The following AFF1 variants were observed in gnomAD, a reference collection of about 807,000 sequenced individuals.
AFF1 encodes ALF transcription elongation factor 1, also known as AF4/FMR2 family member 1.
In AFF1, 48 loss-of-function variants were observed where a neutral mutation model predicts 121.7. That is an observed-to-expected ratio of 0.39 (90% CI 0.31 to 0.50). The LOEUF (loss-of-function observed/expected upper bound fraction) is 0.50, where lower values mean the gene tolerates loss of function less well. AFF1 is among the 20% of genes least tolerant of loss of function. The probability of loss-of-function intolerance (pLI) is 0.76; values close to 1 mark genes in which losing one functional copy is unlikely to be tolerated. For synonymous variants in AFF1, 613 were observed against 563.0 expected (o/e 1.09, Z -1.26); for missense variants, 1,523 against 1,511.7 (o/e 1.01, Z -0.12).
Position 87,126,275 on chromosome 4 carries a change from C to T in AFF1, c.2750C>T (p.Ser917Phe). Residue 917 changes from serine (S) to phenylalanine (F), a missense_variant, in exon 14 of 21, where the codon TCT (serine) becomes TTT (phenylalanine). This residue lies in a region of AFF1 where 905 missense variants were observed against 842.5 expected (regional missense o/e 1.07). Transcript: ENST00000395146. ...ASSTKSNHKD[S>F]SIPKQRRVEG... ...AGTACCAAGAGCAACCACAAAGACT[C>T]TTCCATTCCCAAGCAGAGAAGAGTA... 2 of 1,614,116 alleles carry T rather than the reference C, an allele frequency of 1.2e-6. No homozygotes were observed. The highest frequency in any genetic ancestry group is 1.7e-6 in the Non-Finnish European group (2 of 1,180,024).
chr4:86,963,601 A>G (rs1299533145), intron 2 of AFF1, among the ~76,000 whole-genome samples: 4 of 152,164 alleles, frequency 2.6e-5, no homozygotes, highest in Non-Finnish European at 5.9e-5. Context: ...CCTTATAAAG[A>G]TCTTATAGGG....
chr4:87,108,144 T>C lies in AFF1; in HGVS notation c.1377-15T>C. The C allele has an allele frequency of 6.2e-7, 1 of 1,610,224 alleles. No individual in the cohort carries two copies. Among genetic ancestry groups the C allele is most frequent in the Non-Finnish European group, 8.5e-7 (1 of 1,178,510 alleles). ...GTATCGTGCCTTCTAATTTTATCTT[T>C]TGGTTGCTTTGCAGTGCTCCACAGT... is the stretch of plus-strand genomic sequence containing the variant. On this transcript the variant is annotated splice_polypyrimidine_tract_variant and intron_variant, in intron 10 of 20. Transcript: ENST00000395146.
intron 11 of AFF1, among the ~76,000 whole-genome samples, 180 bp downstream of exon 11, chr4:87,108,495 A>ATTT (rs1726152968): frequency 6.6e-6 from 1 of 152,082 alleles, no homozygotes; most frequent in African/African-American, 2.4e-5. Flanking sequence ...CTTCTTACCA[A>ATTT]ATATTTAATA....
intron 16 of AFF1, among the ~76,000 whole-genome samples, chr4:87,130,638 A>G (rs576438452): frequency 5.3e-5 from 8 of 152,340 alleles, no homozygotes; most frequent in African/African-American, 1.7e-4. Context: ...ATTGTTGGCT[A>G]TTATGTCTAA....
intron 2 of AFF1, 79 bp from the exon 3 acceptor site, chr4:87,046,087 C>T: frequency 6.4e-7 from 1 of 1,554,978 alleles, no homozygotes; most frequent in Admixed American, 1.8e-5. Flanking sequence ...CACCTCCCTT[C>T]TCACATGTAA....
intron 16 of AFF1, among the ~76,000 whole-genome samples, 159 bp downstream of exon 16, chr4:87,127,862 A>G (rs753678679): frequency 2.6e-5 from 4 of 152,286 alleles, no homozygotes; most frequent in East Asian, 1.9e-4. Context: ...GGGCCCTACC[A>G]TTGGCCACAA....
intron 2 of AFF1, among the ~76,000 whole-genome samples, chr4:87,018,734 T>C (rs932946279): frequency 3.3e-5 from 5 of 152,254 alleles, no homozygotes; most frequent in African/African-American, 1.2e-4. Flanking sequence ...TAATTTATTT[T>C]AATAAAGGCA....
rs1729475577 is a variant in AFF1, at chr4:87,138,503, GT to G, written c.*2803del. 4.8e-6 allele frequency: 1 copy of G among 206,472 alleles called. No homozygotes were observed. Among genetic ancestry groups the G allele is most frequent in the Admixed American group, 7.1e-5 (1 of 14,084 alleles). The allele number at this position is 206,472 out of a possible 1,614,324, so 12.8% of individuals were successfully genotyped here. ...TTGGCACTACAAGGTGTGTGTGTGT[GT>G]GTGTGTGTGTGTGTGTGTCTTTAGT... is the stretch of plus-strand genomic sequence containing the variant. On this transcript the variant is annotated 3_prime_UTR_variant, in exon 21 of 21. Coordinates refer to ENST00000395146, the MANE Select transcript of AFF1 (RefSeq NM_001166693.3).
intron 2 of AFF1, among the ~76,000 whole-genome samples, chr4:86,996,604 C>T (rs1444464679): frequency 6.6e-6 from 1 of 151,400 alleles, no homozygotes; most frequent in Non-Finnish European, 1.5e-5. Context: ...CCGCAGGGTC[C>T]TCTGCCTAGG....
chr4:87,126,390 C>T (rs765242116), intron 14 of AFF1, 54 bp downstream of exon 14: 13 of 1,534,090 alleles, frequency 8.5e-6, no homozygotes, highest in African/African-American at 1.4e-5. Flanking sequence ...TGTACCTTTA[C>T]GTTCCCAAAG....
At chr4:87,027,154 G>A (rs1728604856) in intron 2 of AFF1, among the ~76,000 whole-genome samples, 2 of 152,242 alleles carry the variant, frequency 1.3e-5, no homozygotes, top group South Asian at 4.1e-4. Flanking sequence ...CACAGTGGCT[G>A]CTAAGGAGAT....
intron 5 of AFF1, among the ~76,000 whole-genome samples, chr4:87,088,577 C>G (rs749894672): frequency 1.7e-4 from 25 of 151,304 alleles, no homozygotes; most frequent in Non-Finnish European, 3.2e-4. Flanking sequence ...GCTGTGGGGT[C>G]GCAGATTGCT....
chr4:87,133,311 ATTTT>A (rs1414666354), intron 19 of AFF1, among the ~76,000 whole-genome samples: 1 of 152,154 alleles, frequency 6.6e-6, no homozygotes, highest in African/African-American at 2.4e-5. Context: ...CTTGCCTAGT[ATTTT>A]TTAATTTGGT....
intron 2 of AFF1, among the ~76,000 whole-genome samples, chr4:87,031,357 A>T (rs1480819431): frequency 1.3e-5 from 2 of 151,884 alleles, no homozygotes; most frequent in African/African-American, 4.8e-5. Context: ...AAATCACCCC[A>T]GGCTCCTCCA....
At chr4:86,963,166 C>CAAAAAAAA (rs11341612) in intron 2 of AFF1, among the ~76,000 whole-genome samples, 4 of 63,294 alleles carry the variant, frequency 6.3e-5, no homozygotes, top group African/African-American at 1.3e-4. Context: ...ACTCCCATCT[C>CAAAAAAAA]AAAAAAAAAA....
chr4:86,959,706 A>G (rs534450730), intron 2 of AFF1, among the ~76,000 whole-genome samples: 2 of 152,300 alleles, frequency 1.3e-5, no homozygotes, highest in South Asian at 4.1e-4. Context: ...TAAAGCTGAA[A>G]GGAGAAAGTC....
intron 2 of AFF1, among the ~76,000 whole-genome samples, chr4:87,011,802 T>C (rs1726791996): frequency 6.6e-6 from 1 of 152,232 alleles, no homozygotes; most frequent in Admixed American, 6.5e-5. Flanking sequence ...AGTCTAGAGC[T>C]GCTTCCATGA....
chr4:87,012,262 A>G (rs1039803186), intron 2 of AFF1, among the ~76,000 whole-genome samples: 1 of 16,396 alleles, frequency 6.1e-5, no homozygotes, highest in Non-Finnish European at 4.7e-4. Flanking sequence ...TTTAGTAGAG[A>G]TGGGGTTTTC....
intron 1 of AFF1, among the ~76,000 whole-genome samples, chr4:86,940,612 G>A (rs1418770032): frequency 3.3e-5 from 5 of 151,890 alleles, no homozygotes; most frequent in African/African-American, 9.7e-5. Context: ...GTTGGCCAGG[G>A]TAGTCTTGAA....
Sources: gnomAD v4.1 joint callset for allele counts (sites outside exome capture counted in the v4.1 genomes callset) on GRCh38, gnomAD v4.1.1 for gene constraint, gnomAD v4.1.1 regional missense constraint, MANE v1.5 for transcripts, NCBI Gene and HGNC (gene_info 2026-07-23, HGNC 2026-07-21) for gene names.